MKNK1: variants seen among roughly 807,000 people sequenced by gnomAD.
The protein encoded by MKNK1 is MAP kinase-interacting serine/threonine-protein kinase 1.
A neutral mutation model predicts 49.3 loss-of-function variants in MKNK1; 30 were observed. That is an observed-to-expected ratio of 0.61 (90% CI 0.46 to 0.83). The LOEUF (loss-of-function observed/expected upper bound fraction) is 0.83. MKNK1 is among the 40% of genes least tolerant of loss of function. The pLI is 0.00. For synonymous variants in MKNK1, 176 were observed against 201.7 expected, an observed-to-expected ratio of 0.87 and a Z score of 1.08; for missense variants, 423 against 524.7, an observed-to-expected ratio of 0.81 and a Z score of 1.89.
chr1:46,579,339 G>A (rs1170179875), intron 4 of MKNK1, among the ~76,000 whole-genome samples: 2 of 152,184 alleles, frequency 1.3e-5, no homozygotes, highest in African/African-American at 4.8e-5. Flanking sequence ...TTTGAAATCA[G>A]CTTGGATTTA....
rs539126049 is a variant in MKNK1 at position 46,558,061 on chromosome 1, A to G, written c.*514T>C. ...AGGAAGGCTCCTTGCCCTTCCCTGA[A>G]TTGAGGGGATGGCTTTGCTCAGCCA... On this transcript the variant is annotated 3_prime_UTR_variant, in exon 13 of 13. Transcript: ENST00000371945. 1 of 154,170 alleles carries G rather than the reference A, an allele frequency of 6.5e-6. No homozygotes were observed. The highest frequency in any genetic ancestry group is 1.9e-4 in the East Asian group (1 of 5,186). 9.6% of individuals were successfully genotyped at this position (154,170 alleles called of 1,614,324 possible).
At chr1:46,579,622 G>A (rs1292219803) in intron 4 of MKNK1, among the ~76,000 whole-genome samples, 4 of 152,208 alleles carry the variant, frequency 2.6e-5, no homozygotes, top group Non-Finnish European at 4.4e-5. Context: ...CTGTTTCTGA[G>A]TTGGTACTTC....
chr1:46,571,685 A>G, intron 7 of MKNK1: 1 of 349,258 alleles, frequency 2.9e-6, no homozygotes, highest in Non-Finnish European at 5.5e-6. Flanking sequence ...TAACATCAAG[A>G]TATTCACACT....
Position 46,557,459 on chromosome 1 carries a change from C to T in MKNK1, c.*1116G>A, listed in dbSNP as rs1434588046. ...TTAAAATAAGCACAATGTATAAAAG[C>T]ACCGTGGTGTTGTATAAACGTCTGC... On this transcript the variant is annotated 3_prime_UTR_variant, in exon 13 of 13. Coordinates refer to ENST00000371945, the MANE Select transcript of MKNK1 (RefSeq NM_001135553.4). 1 of 152,516 alleles carries T rather than the reference C, an allele frequency of 6.6e-6. No individual in the cohort carries two copies. Among genetic ancestry groups the T allele is most frequent in the Non-Finnish European group, 1.5e-5 (1 of 68,022 alleles). The allele number at this position is 152,516 out of a possible 1,614,324, so 9.4% of individuals were successfully genotyped here. A position where few individuals can be genotyped will look rare whatever the true frequency, so the allele number is the denominator to read the frequency against.
At chr1:46,588,828 T>C (rs896430662) in intron 2 of MKNK1, among the ~76,000 whole-genome samples, 1 of 150,388 alleles carries the variant, frequency 6.6e-6, no homozygotes, top group Non-Finnish European at 1.5e-5. Context: ...AAAAAAATGC[T>C]ACTTCTTAAA....
In MKNK1 at chr1:46,558,652, T is replaced by C; in HGVS notation, c.1162A>G (p.Lys388Glu). 6.2e-7 allele frequency: 1 copy of C among 1,614,166 alleles called. No individual in the cohort carries two copies. The highest frequency in any genetic ancestry group is 8.5e-7 in the Non-Finnish European group (1 of 1,180,028). The change falls in exon 13 of 13, where the codon AAG (lysine) becomes GAG (glutamate). Residue 388 changes from lysine to glutamate, a missense_variant. Lys to Glu is a moderately conservative substitution (Grantham distance 56, BLOSUM62 1). Coordinates refer to ENST00000371945, the MANE Select transcript of MKNK1 (RefSeq NM_001135553.4). Reference protein sequence around the residue: ...LCSMKLSPPCKSRLARRRALA... With the variant: ...LCSMKLSPPCESRLARRRALA... ...GCCCGTCTCCGGGCCAGGCGTGACT[T>C]GCAGGGAGGGGAAAGCTTCATGGAG... is the stretch of plus-strand genomic sequence containing the variant.
At chr1:46,568,621 A>G (rs1669524049) in intron 7 of MKNK1, 123 bp from the exon 8 acceptor site, 1 of 924,116 alleles carries the variant, frequency 1.1e-6, no homozygotes. Context: ...GGTACATTAA[A>G]AAATCAACGA....
At chr1:46,592,172 G>A (rs11211318) in intron 2 of MKNK1, among the ~76,000 whole-genome samples, 6,616 of 152,258 alleles carry the variant, frequency 0.043, 186 homozygotes, top group African/African-American at 0.086. Flanking sequence ...CCCGGGAGGC[G>A]GAGGTTGCAG....
At chr1:46,588,737 G>A (rs927026829) in intron 2 of MKNK1, among the ~76,000 whole-genome samples, 1 of 151,806 alleles carries the variant, frequency 6.6e-6, no homozygotes, top group Non-Finnish European at 1.5e-5. Flanking sequence ...AACCCCGGGG[G>A]GCGGAGCCTG....
chr1:46,567,787 A>T (rs1669331552), intron 8 of MKNK1, among the ~76,000 whole-genome samples: 2 of 152,226 alleles, frequency 1.3e-5, no homozygotes, highest in Non-Finnish European at 2.9e-5. Context: ...TGTCAAATTC[A>T]TACACTTCCG....
Position 46,562,638 on chromosome 1 carries a change from G to A in MKNK1, c.804+11C>T. ...CAGGGTCTACGCAGTGCTCCCTGGG[G>A]CCGCACTCACCTGGCACACCCTGCA... is the stretch of plus-strand genomic sequence containing the variant. On this transcript the variant is annotated intron_variant, in intron 10 of 12. Transcript: ENST00000371945. 6.5e-7 allele frequency: 1 copy of A among 1,549,906 alleles called. No individual in the cohort carries two copies. The highest frequency in any genetic ancestry group is 8.7e-7 in the Non-Finnish European group (1 of 1,146,924).
chr1:46,568,173 T>C, intron 8 of MKNK1: 1 of 386,492 alleles, frequency 2.6e-6, no homozygotes, highest in Non-Finnish European at 4.7e-6. Flanking sequence ...TAAAGATAGA[T>C]GCATTGGACT....
At chr1:46,564,926 C>A in intron 9 of MKNK1, 115 bp downstream of exon 9, 2 of 983,426 alleles carry the variant, frequency 2.0e-6, no homozygotes, top group Non-Finnish European at 1.6e-6. Flanking sequence ...ATCACTCAGG[C>A]AGCAGGAAGA....
chr1:46,602,932 C>A (rs895649404), intron 1 of MKNK1, among the ~76,000 whole-genome samples: 4 of 152,208 alleles, frequency 2.6e-5, no homozygotes, highest in Non-Finnish European at 5.9e-5. Flanking sequence ...TCTGACAGCT[C>A]CTGTTCACAG....
rs1667704898 is a variant in MKNK1, at chr1:46,560,227, C to A, written c.1013+7G>T. 1 of 1,614,066 alleles carries A rather than the reference C, an allele frequency of 6.2e-7. No individual in the cohort carries two copies. The highest frequency in any genetic ancestry group is 8.5e-7 in the Non-Finnish European group (1 of 1,179,956). On this transcript the variant is annotated splice_region_variant and intron_variant, in intron 12 of 12. Coordinates refer to ENST00000371945, the MANE Select transcript of MKNK1 (RefSeq NM_001135553.4). ...GAGCATGGCGTGGGGGTGGTCAGAG[C>A]ATTTACCTCTGGAGGACTTGCGGCG...
Position 46,561,498 on chromosome 1 carries a change from G to A in MKNK1, c.949C>T (p.Gln317Ter). 1 of 1,613,666 alleles carries A rather than the reference G, an allele frequency of 6.2e-7. No individual in the cohort carries two copies. Among genetic ancestry groups the A allele is most frequent in the Non-Finnish European group, 8.5e-7 (1 of 1,179,710 alleles). ...CTCACCCCCTGCACCCATGGGTGCT[G>A]CAGAACTTGGGCGGCGCTAAGTCTC... is the stretch of plus-strand genomic sequence containing the variant. Reference protein sequence around the residue: ...KQRLSAAQVLQHPWVQGQAPE... With the variant: ...KQRLSAAQVL Residue 317 changes from glutamine (Q) to a stop codon, truncating the protein, a stop_gained, in exon 11 of 13, where the codon CAG becomes TAG. Transcript: ENST00000371945. LOFTEE classifies it high-confidence loss of function.
At chr1:46,592,902 G>A (rs1045507742) in intron 2 of MKNK1, among the ~76,000 whole-genome samples, 1 of 152,004 alleles carries the variant, frequency 6.6e-6, no homozygotes, top group Admixed American at 6.6e-5. Context: ...CATCAAACAG[G>A]GGGAAAATTC....
intron 2 of MKNK1, among the ~76,000 whole-genome samples, chr1:46,592,318 C>T (rs959618163): frequency 1.3e-5 from 2 of 152,238 alleles, no homozygotes; most frequent in Admixed American, 1.3e-4. Flanking sequence ...TCAGCATCAC[C>T]ACCTTGACCA....
chr1:46,564,139 A>C (rs930890311), intron 9 of MKNK1, among the ~76,000 whole-genome samples: 1 of 151,932 alleles, frequency 6.6e-6, no homozygotes, highest in African/African-American at 2.4e-5. Context: ...TTAGTTATAC[A>C]AGAGATGTTT....
Sources: allele counts gnomAD v4.1 joint callset (sites outside exome capture counted in the v4.1 genomes callset), GRCh38; gene constraint gnomAD v4.1.1; transcripts MANE v1.5; gene names NCBI Gene and HGNC (gene_info 2026-07-23, HGNC 2026-07-21).